Variants in SOX5 observed in about 807,000 individuals in gnomAD.
SOX5 encodes transcription factor SOX-5.
In SOX5, 9 loss-of-function variants were observed where a neutral mutation model predicts 92.0. That is an observed-to-expected ratio of 0.10 (90% confidence interval 0.06 to 0.17). The LOEUF is 0.17. Ranked by LOEUF, SOX5 falls within the 10% of genes least tolerant of loss-of-function variation. The pLI is 1.00. For missense variants in SOX5, 642 were observed against 944.5 expected, an observed-to-expected ratio of 0.68 and a Z score of 4.20; for synonymous variants, 344 against 336.3, an observed-to-expected ratio of 1.02 and a Z score of -0.25.
At chr12:23,542,470 C>T (rs4130609) in intron 13 of SOX5, among the ~76,000 whole-genome samples, 108,675 of 151,958 alleles carry the variant, frequency 0.72, 39,293 homozygotes, top group East Asian at 0.96. Flanking sequence ...GGGACCTGAA[C>T]TGGTCTATAA....
chr12:23,661,473 G>A lies in SOX5; in HGVS notation c.931+3971C>T, dbSNP rs150481159. ...ATCCATCAACCACCTTTTCTCAAAT[G>A]TCGCTCTCAAGTATAAAATTTTAGG... On this transcript the variant is annotated intron_variant, in intron 7 of 14. Coordinates refer to ENST00000451604, the MANE Select transcript of SOX5 (RefSeq NM_006940.6). Among the ~76,000 whole-genome samples the A allele has an allele frequency of 2.3e-3, 350 of 152,262 alleles. 3 individuals are homozygous for A. The highest frequency in any genetic ancestry group is 5.2e-3 in the South Asian group (25 of 4,828).
At chr12:24,479,948 G>A (rs57883598) in intron 1 of SOX5, among the ~76,000 whole-genome samples, 39,466 of 152,082 alleles carry the variant, frequency 0.26, 6,267 homozygotes, top group East Asian at 0.71. Context: ...TTAAAGGCAT[G>A]AGCCACTGTG....
intron 2 of SOX5, among the ~76,000 whole-genome samples, chr12:23,888,064 C>T (rs1008963734): frequency 6.6e-6 from 1 of 151,952 alleles, no homozygotes; most frequent in Non-Finnish European, 1.5e-5. Context: ...TATCAGGGTT[C>T]TAATATTTTA....
chr12:23,685,098 A>T (rs181962142), intron 6 of SOX5, among the ~76,000 whole-genome samples: 8 of 152,240 alleles, frequency 5.3e-5, no homozygotes, highest in Admixed American at 2.0e-4. Flanking sequence ...TCTTGAAGCT[A>T]CTCAAAGTTG....
chr12:23,654,373 T>TAA (rs1326465081), intron 7 of SOX5, among the ~76,000 whole-genome samples: 1 of 152,122 alleles, frequency 6.6e-6, no homozygotes, highest in African/African-American at 2.4e-5. Context: ...TCCAAAGTCT[T>TAA]AAAATGATTT....
intron 3 of SOX5, among the ~76,000 whole-genome samples, chr12:23,782,014 TA>T (rs1194151004): frequency 6.6e-6 from 1 of 152,058 alleles, no homozygotes; most frequent in Non-Finnish European, 1.5e-5. Flanking sequence ...ACTTTTTTTT[TA>T]TTGACTAGAA....
intron 1 of SOX5, among the ~76,000 whole-genome samples, chr12:24,509,160 T>C (rs576289015): frequency 8.5e-5 from 13 of 152,202 alleles, no homozygotes; most frequent in Non-Finnish European, 1.9e-4. Context: ...TTCTATTCTT[T>C]CCTTATTTTT....
At chr12:23,880,800 G>T (rs2096980470) in intron 2 of SOX5, among the ~76,000 whole-genome samples, 2 of 152,122 alleles carry the variant, frequency 1.3e-5, no homozygotes, top group Non-Finnish European at 2.9e-5. Flanking sequence ...GGAAAGCAAA[G>T]AAATGAATTC....
chr12:23,564,281 T>A (rs902412091), intron 10 of SOX5, among the ~76,000 whole-genome samples: 1 of 152,334 alleles, frequency 6.6e-6, no homozygotes, highest in South Asian at 2.1e-4. Context: ...AGTACGATGA[T>A]CTGCATGACA....
At chr12:23,643,598 C>T (rs1338357516) in intron 7 of SOX5, among the ~76,000 whole-genome samples, 1 of 152,132 alleles carries the variant, frequency 6.6e-6, no homozygotes, top group Non-Finnish European at 1.5e-5. Context: ...GTGGGATGTA[C>T]TAACATTTAT....
At chr12:24,082,834 A>G (rs1292111739) in intron 4 of SOX5, among the ~76,000 whole-genome samples, 1 of 151,854 alleles carries the variant, frequency 6.6e-6, no homozygotes, top group Non-Finnish European at 1.5e-5. Flanking sequence ...CTATTAATAT[A>G]CTTTATAAAT....
intron 3 of SOX5, among the ~76,000 whole-genome samples, chr12:23,812,880 A>T (rs1465651891): frequency 6.6e-6 from 1 of 152,202 alleles, no homozygotes; most frequent in Non-Finnish European, 1.5e-5. Flanking sequence ...ATGTAAAAAA[A>T]GTAAAAAGAC....
At chr12:24,532,573 C>G (rs1294265197) in intron 1 of SOX5, among the ~76,000 whole-genome samples, 1 of 152,174 alleles carries the variant, frequency 6.6e-6, no homozygotes, top group Non-Finnish European at 1.5e-5. Context: ...ACAACATTAC[C>G]AAGTGGGTAT....
chr12:23,614,895 A>G (rs1008578058), intron 8 of SOX5, among the ~76,000 whole-genome samples: 3 of 152,118 alleles, frequency 2.0e-5, no homozygotes, highest in Non-Finnish European at 4.4e-5. Context: ...TCCGCCTCCC[A>G]GGTTAAAGCA....
intron 1 of SOX5, among the ~76,000 whole-genome samples, chr12:24,464,336 T>A (rs1006370896): frequency 1.3e-5 from 2 of 151,846 alleles, no homozygotes; most frequent in Non-Finnish European, 2.9e-5. Flanking sequence ...TTTTTTTTTT[T>A]TTTTGAGACG....
At chr12:23,991,321 T>TAAAA (rs918055061) in intron 4 of SOX5, among the ~76,000 whole-genome samples, 1 of 148,942 alleles carries the variant, frequency 6.7e-6, no homozygotes, top group African/African-American at 2.5e-5. Context: ...GTCTCTTTCT[T>TAAAA]AAAAAAAAAA....
intron 6 of SOX5, among the ~76,000 whole-genome samples, chr12:23,689,283 T>G (rs73073860): frequency 0.056 from 8,477 of 151,278 alleles, 320 homozygotes; most frequent in Non-Finnish European, 0.088. Context: ...TTAATTAGAT[T>G]TTTTTGTTGT....
At chr12:24,240,501 T>C (rs1965363436) in intron 3 of SOX5, among the ~76,000 whole-genome samples, 1 of 152,174 alleles carries the variant, frequency 6.6e-6, no homozygotes, top group Non-Finnish European at 1.5e-5. Flanking sequence ...GAAAACAAAA[T>C]TAAATTCTTA....
chr12:23,798,483 T>C (rs2095604161), intron 3 of SOX5, among the ~76,000 whole-genome samples: 1 of 151,680 alleles, frequency 6.6e-6, no homozygotes, highest in Non-Finnish European at 1.5e-5. Flanking sequence ...TATAACTTTA[T>C]AGATGCATAC....
Sources: gnomAD v4.1 joint callset for allele counts (sites outside exome capture counted in the v4.1 genomes callset) on GRCh38, gnomAD v4.1.1 for gene constraint, MANE v1.5 for transcripts, NCBI Gene and HGNC (gene_info 2026-07-23, HGNC 2026-07-21) for gene names.